Variants in POTEG observed in about 807,000 individuals in gnomAD.
POTEG encodes the protein POTE ankyrin domain family member G.
Under a neutral mutation model 49.6 loss-of-function variants are expected in POTEG, and 2 were observed. The ratio of observed to expected loss-of-function variants is 0.04; its 90% CI spans 0.02 to 0.13. The LOEUF (loss-of-function observed/expected upper bound fraction) is 0.13. Among genes scored for constraint, POTEG ranks in the 10% least tolerant of loss-of-function variants. The probability of loss-of-function intolerance (pLI) is 1.00; values close to 1 mark genes in which losing one functional copy is unlikely to be tolerated. For missense variants in POTEG, 26 were observed against 545.2 expected, an observed-to-expected ratio of 0.05 and a Z score of 9.48; for synonymous variants, 7 against 186.6, an observed-to-expected ratio of 0.04 and a Z score of 7.84.
chr14:19,432,401 T>TAC (rs1400739856), intron 1 of POTEG, among the ~76,000 whole-genome samples: 2,028 of 68,346 alleles, frequency 0.03, 91 homozygotes, highest in Non-Finnish European at 0.057. Flanking sequence ...TATATATATA[T>TAC]ATACACACAC....
At chr14:19,423,237 G>GT (rs373081176) in intron 5 of POTEG, 13 of 20,778 alleles carry the variant, frequency 6.3e-4, no homozygotes, top group Admixed American at 1.5e-3. Context: ...TGGTAGCAAA[G>GT]AAGAAGAAAC....
At position 19,434,010 on chromosome 14, in the gene POTEG, G is replaced by C; in HGVS notation, c.280C>G (p.Leu94Val). The C allele has an allele frequency of 1.3e-6, 2 of 1,592,062 alleles. No homozygotes were observed. Among genetic ancestry groups the C allele is most frequent in the South Asian group, 1.1e-5 (1 of 87,580 alleles). ...GDHDDSAMKT[L>V]RSKMGKWCCH... ...CACCACTTGCCCATCTTGCTCCTGAGTGTCTTCATAGCAGAGTCGTCGTGG... is the reference window on the plus strand; with the variant it reads ...CACCACTTGCCCATCTTGCTCCTGACTGTCTTCATAGCAGAGTCGTCGTGG... Residue 94 changes from leucine (L) to valine (V), a missense_variant, in exon 1 of 11, where the codon CTC (leucine) becomes GTC (valine). Transcript: ENST00000547848.
intron 9 of POTEG, among the ~76,000 whole-genome samples, chr14:19,408,942 A>ATATACAAATATACAAAGTAATTGATCAC (rs1883366841): frequency 2.0e-5 from 3 of 150,860 alleles, no homozygotes; most frequent in African/African-American, 7.3e-5. Flanking sequence ...TTACCAGTAA[A>ATATACAAATATACAAAGTAATTGATCAC]AGAATAGTGA....
intron 1 of POTEG, among the ~76,000 whole-genome samples, chr14:19,432,406 A>G (rs1177500793): frequency 5.3e-5 from 5 of 93,908 alleles, no homozygotes; most frequent in Admixed American, 1.1e-4. Context: ...ATATATATAC[A>G]CACACATGTA....
chr14:19,415,565 T>C (rs1471252268), intron 7 of POTEG, among the ~76,000 whole-genome samples: 1 of 149,478 alleles, frequency 6.7e-6, no homozygotes, highest in African/African-American at 2.4e-5. Context: ...AATCCAATAA[T>C]TGATGTTACA....
chr14:19,426,401 C>A (rs1883947242), intron 3 of POTEG, among the ~76,000 whole-genome samples: 1 of 150,810 alleles, frequency 6.6e-6, no homozygotes, highest in African/African-American at 2.4e-5. Flanking sequence ...TAAAGAGACA[C>A]ACTGGACAGT....
chr14:19,432,431 CGTATATATATATAT>C (rs1884190421), intron 1 of POTEG, among the ~76,000 whole-genome samples: 2 of 19,306 alleles, frequency 1.0e-4, no homozygotes, highest in East Asian at 1.4e-3. Flanking sequence ...TATGTATATA[CGTATATATATATAT>C]ACATATATAT....
intron 7 of POTEG, among the ~76,000 whole-genome samples, chr14:19,415,828 AATTTTTTTTTTTT>A (rs1463565950): frequency 8.3e-5 from 11 of 132,978 alleles, no homozygotes; most frequent in South Asian, 2.4e-4. Flanking sequence ...AATCTATTAA[AATTTTTTTTTTTT>A]TTTTTTTTTT....
intron 1 of POTEG, among the ~76,000 whole-genome samples, chr14:19,432,396 A>ATT: frequency 1.1e-5 from 1 of 93,444 alleles, no homozygotes; most frequent in East Asian, 2.4e-4. Flanking sequence ...ATATATATAT[A>ATT]TATATATACA....
intron 1 of POTEG, among the ~76,000 whole-genome samples, chr14:19,432,370 A>ATT: frequency 2.8e-5 from 1 of 36,076 alleles, no homozygotes; most frequent in Non-Finnish European, 5.8e-5. Flanking sequence ...AATTTTGTAT[A>ATT]TATATATATA....
chr14:19,420,055 C>G (rs1883694574), intron 6 of POTEG, among the ~76,000 whole-genome samples: 1 of 127,752 alleles, frequency 7.8e-6, no homozygotes, highest in African/African-American at 3.3e-5. Flanking sequence ...CTGCAAAGTT[C>G]ACTCAAGCAT....
chr14:19,421,477 AC>A, intron 6 of POTEG, 146 bp downstream of exon 6: 1 of 979,478 alleles, frequency 1.0e-6, no homozygotes, highest in Non-Finnish European at 1.5e-6. Flanking sequence ...ATAAAATAGC[AC>A]AATAAATGTA....
intron 7 of POTEG, among the ~76,000 whole-genome samples, chr14:19,415,531 C>G (rs1282043490): frequency 1.3e-5 from 2 of 149,030 alleles, no homozygotes; most frequent in African/African-American, 4.9e-5. Context: ...TTACATTGTT[C>G]ATAATTCTAT....
At chr14:19,415,829 A>ATATTCTTTTTTTTTTTTT (rs1491555758) in intron 7 of POTEG, among the ~76,000 whole-genome samples, 2 of 96,702 alleles carry the variant, frequency 2.1e-5, no homozygotes, top group African/African-American at 4.5e-5. Context: ...ATCTATTAAA[A>ATATTCTTTTTTTTTTTTT]TTTTTTTTTT....
At chr14:19,416,242 CAAA>C in intron 7 of POTEG, 43 bp downstream of exon 7, 1 of 1,286,150 alleles carries the variant, frequency 7.8e-7, no homozygotes, top group East Asian at 3.0e-5. Flanking sequence ...AAAAAAAAAA[CAAA>C]AAAAACGTTA....
At chr14:19,408,944 GA>G (rs1883367122) in intron 9 of POTEG, among the ~76,000 whole-genome samples, 1 of 145,264 alleles carries the variant, frequency 6.9e-6, no homozygotes, top group African/African-American at 2.7e-5. Flanking sequence ...ACCAGTAAAA[GA>G]ATAGTGAATA....
chr14:19,423,462 TA>T (rs1257789884), intron 5 of POTEG: 41 of 88,742 alleles, frequency 4.6e-4, no homozygotes, highest in African/African-American at 1.4e-3. Flanking sequence ...TGTGTGTGGA[TA>T]AAGTCAGGAT....
chr14:19,413,693 TATC>T (rs1883439766), intron 8 of POTEG, among the ~76,000 whole-genome samples, 173 bp from the exon 9 acceptor site: 1 of 92,958 alleles, frequency 1.1e-5, no homozygotes, highest in South Asian at 4.5e-4. Context: ...AAGATGTACT[TATC>T]ATATCACTAA....
At chr14:19,433,513 C>T (rs200327609) in intron 1 of POTEG, among the ~76,000 whole-genome samples, 258 of 97,168 alleles carry the variant, frequency 2.7e-3, no homozygotes, top group South Asian at 0.018. Flanking sequence ...GACAATGTTG[C>T]GAGTTAAATC....
Sources: allele counts gnomAD v4.1 joint callset (sites outside exome capture counted in the v4.1 genomes callset), GRCh38; gene constraint gnomAD v4.1.1; transcripts MANE v1.5; gene names NCBI Gene and HGNC (gene_info 2026-07-23, HGNC 2026-07-21).